The following DLGAP1 variants were observed in gnomAD, a reference collection of about 807,000 sequenced individuals.
DLGAP1 encodes the protein disks large-associated protein 1.
DLGAP1 carries 11 observed loss-of-function variants against 90.8 expected under a neutral mutation model. The observed-to-expected ratio is 0.12, with a 90% CI of 0.08 to 0.20. The LOEUF (loss-of-function observed/expected upper bound fraction) is 0.20, where lower values mean the gene tolerates loss of function less well. Among genes scored for constraint, DLGAP1 ranks in the 10% least tolerant of loss-of-function variants. The pLI is 1.00. For synonymous variants in DLGAP1, 558 were observed against 540.7 expected (o/e 1.03, Z -0.44); for missense variants, 1,050 against 1,333.8 (o/e 0.79, Z 3.31).
chr18:3,849,593 C>T (rs2069221017), intron 4 of DLGAP1, among the ~76,000 whole-genome samples: 2 of 152,142 alleles, frequency 1.3e-5, no homozygotes, highest in Admixed American at 6.5e-5. Context: ...AAGAAAGGGA[C>T]AGCCCTGATT....
At chr18:4,045,981 T>C (rs2075048957) in intron 2 of DLGAP1, among the ~76,000 whole-genome samples, 1 of 152,024 alleles carries the variant, frequency 6.6e-6, no homozygotes, top group Non-Finnish European at 1.5e-5. Flanking sequence ...GACACTACTT[T>C]AAAAAATTAC....
At chr18:4,382,569 TG>T (rs1438345393) in intron 1 of DLGAP1, among the ~76,000 whole-genome samples, 5 of 151,720 alleles carry the variant, frequency 3.3e-5, no homozygotes, top group Non-Finnish European at 7.4e-5. Context: ...ATAAAACCAC[TG>T]GAACAAATCT....
At chr18:3,966,831 T>C (rs1481853733) in intron 3 of DLGAP1, among the ~76,000 whole-genome samples, 1 of 152,086 alleles carries the variant, frequency 6.6e-6, no homozygotes, top group Non-Finnish European at 1.5e-5. Flanking sequence ...GAGCTAGAGA[T>C]AACAGATTTG....
intron 1 of DLGAP1, among the ~76,000 whole-genome samples, chr18:4,273,501 G>A (rs2079332716): frequency 6.6e-6 from 1 of 152,176 alleles, no homozygotes; most frequent in South Asian, 2.1e-4. Flanking sequence ...GGAGTGCAGT[G>A]GTGAGATCAT....
intron 7 of DLGAP1, among the ~76,000 whole-genome samples, chr18:3,662,798 C>G (rs1331867990): frequency 1.3e-5 from 2 of 152,208 alleles, no homozygotes; most frequent in Non-Finnish European, 2.9e-5. Context: ...AGCTGTTTAT[C>G]CACTCTTTGA....
chr18:3,548,753 T>G (rs867453812), intron 9 of DLGAP1, among the ~76,000 whole-genome samples: 33 of 152,088 alleles, frequency 2.2e-4, no homozygotes, highest in African/African-American at 7.5e-4. Flanking sequence ...AACATTGCAC[T>G]AGGCCAGGTG....
chr18:3,993,623 A>G (rs2074011348), intron 3 of DLGAP1, among the ~76,000 whole-genome samples: 1 of 152,168 alleles, frequency 6.6e-6, no homozygotes, highest in East Asian at 1.9e-4. Context: ...CAAGCAGGTT[A>G]TTGCAAGGAA....
intron 5 of DLGAP1, among the ~76,000 whole-genome samples, chr18:3,779,307 C>T (rs1238918226): frequency 6.6e-6 from 1 of 152,156 alleles, no homozygotes; most frequent in Non-Finnish European, 1.5e-5. Flanking sequence ...AACTCCTGAG[C>T]TCAAGTGATC....
intron 7 of DLGAP1, chr18:3,593,943 T>C (rs1290682826): frequency 6.6e-6 from 1 of 151,164 alleles, no homozygotes; most frequent in Non-Finnish European, 1.5e-5. Flanking sequence ...GAGTGGAGGC[T>C]GTTTTGCACA....
At chr18:3,926,468 C>A (rs4555242) in intron 3 of DLGAP1, among the ~76,000 whole-genome samples, 86,552 of 149,610 alleles carry the variant, frequency 0.58, 24,964 homozygotes, top group African/African-American at 0.67. Flanking sequence ...ATATATGTGC[C>A]TATGTATGTA....
chr18:4,414,987 AC>A, intron 1 of DLGAP1, among the ~76,000 whole-genome samples: 1 of 152,154 alleles, frequency 6.6e-6, no homozygotes, highest in Admixed American at 6.6e-5. Flanking sequence ...ATTATACAAA[AC>A]AACATTGTGT....
chr18:4,112,005 A>G (rs949790795), intron 2 of DLGAP1, among the ~76,000 whole-genome samples: 28 of 151,492 alleles, frequency 1.8e-4, no homozygotes, highest in African/African-American at 6.8e-4. Context: ...TTTTCCTAGC[A>G]TCTTAAGATG....
At chr18:3,706,974 GAGA>G (rs1159770075) in intron 7 of DLGAP1, among the ~76,000 whole-genome samples, 1 of 152,332 alleles carries the variant, frequency 6.6e-6, no homozygotes, top group African/African-American at 2.4e-5. Flanking sequence ...TGGAATTTAA[GAGA>G]AGAACTGAGT....
chr18:4,299,389 T>A (rs1210683539), intron 1 of DLGAP1, among the ~76,000 whole-genome samples: 1 of 152,222 alleles, frequency 6.6e-6, no homozygotes, highest in Non-Finnish European at 1.5e-5. Flanking sequence ...TTGATTTTTT[T>A]AATTCAAATA....
At chr18:3,597,270 TA>T (rs1251376951) in intron 7 of DLGAP1, 2 of 494,416 alleles carry the variant, frequency 4.0e-6, no homozygotes, top group Non-Finnish European at 7.9e-6. Context: ...GAGACAGGAA[TA>T]AAAGGAAAAA....
At chr18:3,752,200 G>C (rs2063527529) in intron 5 of DLGAP1, among the ~76,000 whole-genome samples, 1 of 152,048 alleles carries the variant, frequency 6.6e-6, no homozygotes. Context: ...GTTTTATTGT[G>C]ATATAATTTA....
intron 1 of DLGAP1, among the ~76,000 whole-genome samples, chr18:4,331,419 C>A (rs945928509): frequency 2.6e-5 from 4 of 151,752 alleles, no homozygotes; most frequent in African/African-American, 9.7e-5. Flanking sequence ...AACTCGTTTA[C>A]CTGTCTCCAC....
At position 3,592,384 on chromosome 18, in the gene DLGAP1, C is replaced by T. The variant is rs140209585; in HGVS notation, c.1592-10136G>A. Among the ~76,000 whole-genome samples, 568 of 152,328 alleles carry T rather than the reference C, an allele frequency of 3.7e-3. 2 individuals are homozygous for T. Among genetic ancestry groups the T allele is most frequent in the African/African-American group, 0.013 (526 of 41,570 alleles). On this transcript the variant is annotated intron_variant, in intron 7 of 12. Transcript: ENST00000315677. ...TTCCAACAAATGCCAGACAAATCAG[C>T]GGTCTGGCTGGAGTCCTCCACCGGC...
intron 5 of DLGAP1, among the ~76,000 whole-genome samples, chr18:3,761,539 G>C (rs1404123202): frequency 1.3e-5 from 2 of 151,450 alleles, no homozygotes; most frequent in Non-Finnish European, 2.9e-5. Context: ...GCTGTGATGA[G>C]TACGAGTGTA....
Sources: gnomAD v4.1 joint callset for allele counts (sites outside exome capture counted in the v4.1 genomes callset) on GRCh38, gnomAD v4.1.1 for gene constraint, MANE v1.5 for transcripts, NCBI Gene and HGNC (gene_info 2026-07-23, HGNC 2026-07-21) for gene names.